The following ROBO1 variants were observed in gnomAD, a reference collection of about 807,000 sequenced individuals.
The protein encoded by ROBO1 is roundabout guidance receptor 1, also known as roundabout homolog 1.
A neutral mutation model predicts 195.9 loss-of-function variants in ROBO1; 149 were observed. The ratio of observed to expected loss-of-function variants is 0.76; its 90% confidence interval spans 0.67 to 0.87. ROBO1 has a LOEUF of 0.87. Among genes scored for constraint, ROBO1 ranks in the 40% least tolerant of loss-of-function variants. The probability of loss-of-function intolerance (pLI) is 0.00; values close to 1 mark genes in which losing one functional copy is unlikely to be tolerated. For missense variants in ROBO1, 1,933 were observed against 2,068.3 expected, an observed-to-expected ratio of 0.93 and a Z score of 1.27; for synonymous variants, 816 against 733.2, an observed-to-expected ratio of 1.11 and a Z score of -1.82.
intron 1 of ROBO1, among the ~76,000 whole-genome samples, chr3:79,674,584 G>A (rs1946726424): frequency 6.6e-6 from 1 of 151,834 alleles, no homozygotes; most frequent in Admixed American, 6.6e-5. Flanking sequence ...CCTTCAGAGA[G>A]GATCAATCAG....
At chr3:79,222,226 A>G (rs960370426) in intron 2 of ROBO1, among the ~76,000 whole-genome samples, 1 of 152,112 alleles carries the variant, frequency 6.6e-6, no homozygotes, top group African/African-American at 2.4e-5. Flanking sequence ...GACAAAACCA[A>G]GGAAATATTT....
At chr3:79,354,759 T>A in intron 2 of ROBO1, among the ~76,000 whole-genome samples, 1 of 152,170 alleles carries the variant, frequency 6.6e-6, no homozygotes, top group East Asian at 1.9e-4. Context: ...CAGAGTGGAA[T>A]TACTAAATTT....
At chr3:78,767,800 T>C (rs972030234) in intron 4 of ROBO1, among the ~76,000 whole-genome samples, 2 of 152,178 alleles carry the variant, frequency 1.3e-5, no homozygotes, top group Non-Finnish European at 2.9e-5. Context: ...GTGAGGTTAT[T>C]TGGATTTTCT....
In ROBO1 at chr3:79,516,438, G is replaced by A. The variant is rs1414815123; in HGVS notation, c.88+73386C>T. On this transcript the variant is annotated intron_variant, in intron 2 of 30. Transcript: ENST00000464233. ...GAGAATAAAAAGTTATGCAGTGGAAGGTCTCCTATTCACCGCTCTTCCTCT... is the reference window on the plus strand; with the variant it reads ...GAGAATAAAAAGTTATGCAGTGGAAAGTCTCCTATTCACCGCTCTTCCTCT... Among the ~76,000 whole-genome samples, 4 of 152,076 alleles carry A rather than the reference G, an allele frequency of 2.6e-5. No homozygotes were observed. In the East Asian group the frequency reaches 5.8e-4, roughly 22 times the overall value.
chr3:79,087,867 T>G (rs2079402484), intron 3 of ROBO1, among the ~76,000 whole-genome samples: 1 of 152,278 alleles, frequency 6.6e-6, no homozygotes, highest in South Asian at 2.1e-4. Context: ...AGTGCTGATA[T>G]ACTGCTGAAA....
chr3:78,674,514 G>A (rs920152023), intron 10 of ROBO1, among the ~76,000 whole-genome samples: 1 of 152,038 alleles, frequency 6.6e-6, no homozygotes, highest in Non-Finnish European at 1.5e-5. Context: ...CCAAAATAAA[G>A]CAAACAAAAC....
At chr3:78,935,616 G>A (rs2039762628) in intron 4 of ROBO1, among the ~76,000 whole-genome samples, 1 of 151,910 alleles carries the variant, frequency 6.6e-6, no homozygotes. Flanking sequence ...TCCAAAACAA[G>A]CAAGAAAATA....
chr3:78,942,632 G>A (rs543361030), intron 3 of ROBO1, among the ~76,000 whole-genome samples: 5 of 152,252 alleles, frequency 3.3e-5, no homozygotes, highest in East Asian at 1.9e-4. Context: ...ATAGCCAAAC[G>A]GTACTGACAA....
At chr3:79,504,585 AATT>A (rs1338631490) in intron 2 of ROBO1, among the ~76,000 whole-genome samples, 7 of 152,198 alleles carry the variant, frequency 4.6e-5, no homozygotes, top group African/African-American at 1.7e-4. Flanking sequence ...TTAATTTAAC[AATT>A]ATTTTAGATA....
chr3:79,074,449 G>A (rs775827417), intron 3 of ROBO1, among the ~76,000 whole-genome samples: 88 of 151,734 alleles, frequency 5.8e-4, no homozygotes, highest in Non-Finnish European at 9.4e-4. Context: ...TTTTGAGATG[G>A]GGTTTCTGTT....
intron 3 of ROBO1, among the ~76,000 whole-genome samples, chr3:78,947,453 T>C (rs2040510116): frequency 6.6e-6 from 1 of 152,114 alleles, no homozygotes. Context: ...AAGGCAGAAA[T>C]AAAGATGTTC....
intron 1 of ROBO1, among the ~76,000 whole-genome samples, chr3:79,637,585 C>T (rs893491245): frequency 3.9e-5 from 6 of 151,928 alleles, no homozygotes; most frequent in East Asian, 1.9e-4. Flanking sequence ...GTGATGTAAT[C>T]GTATTTGAAT....
chr3:78,886,669 C>T (rs1474450000), intron 4 of ROBO1, among the ~76,000 whole-genome samples: 1 of 151,860 alleles, frequency 6.6e-6, no homozygotes, highest in South Asian at 2.1e-4. Flanking sequence ...TTTCAAAAAG[C>T]GTTCAGTCAA....
chr3:78,865,399 T>TG (rs2035106590), intron 4 of ROBO1, among the ~76,000 whole-genome samples: 1 of 152,150 alleles, frequency 6.6e-6, no homozygotes, highest in Non-Finnish European at 1.5e-5. Context: ...TTTACTCATT[T>TG]GGGGTTACAT....
At chr3:79,249,142 C>T (rs1034727546) in intron 2 of ROBO1, among the ~76,000 whole-genome samples, 4 of 152,116 alleles carry the variant, frequency 2.6e-5, no homozygotes, top group African/African-American at 9.7e-5. Flanking sequence ...AACAAACAGA[C>T]TAATACACTG....
At chr3:79,619,030 C>A (rs1944914609) in intron 1 of ROBO1, among the ~76,000 whole-genome samples, 1 of 152,186 alleles carries the variant, frequency 6.6e-6, no homozygotes, top group South Asian at 2.1e-4. Context: ...CACCCACATT[C>A]CATTGGTGTC....
In ROBO1 at chr3:78,657,296, A is replaced by G. The variant is rs1707099600; in HGVS notation, c.2443-27T>C. 3 of 1,610,376 alleles carry G rather than the reference A, an allele frequency of 1.9e-6. No individual in the cohort carries two copies. In the African/African-American group the frequency reaches 4.0e-5, roughly 22 times the overall value. ...TGTAAGAAGCACATCACAAAAATCA[A>G]GCTGGTAAATTACCTAAATGAATGC... is the stretch of plus-strand genomic sequence containing the variant. On this transcript the variant is annotated intron_variant, in intron 17 of 30. Coordinates refer to ENST00000464233, the MANE Select transcript of ROBO1 (RefSeq NM_002941.4).
intron 26 of ROBO1, among the ~76,000 whole-genome samples, chr3:78,621,144 T>A (rs1234502419): frequency 2.0e-5 from 3 of 152,008 alleles, no homozygotes; most frequent in Non-Finnish European, 4.4e-5. Context: ...ATATGAAAAA[T>A]GTGCCAAAGC....
chr3:78,916,261 A>AAC (rs1430005408), intron 4 of ROBO1, among the ~76,000 whole-genome samples: 2 of 142,000 alleles, frequency 1.4e-5, no homozygotes, highest in African/African-American at 2.6e-5. Flanking sequence ...AAAAAAAAAA[A>AAC]ACAACTTTAT....
Sources: allele counts gnomAD v4.1 joint callset (sites outside exome capture counted in the v4.1 genomes callset), GRCh38; gene constraint gnomAD v4.1.1; transcripts MANE v1.5; gene names NCBI Gene and HGNC (gene_info 2026-07-23, HGNC 2026-07-21).